PLEKHM1: variants seen among roughly 807,000 people sequenced by gnomAD.
PLEKHM1 encodes the protein pleckstrin homology domain-containing family M member 1.
Under a neutral mutation model 94.3 loss-of-function variants are expected in PLEKHM1, and 28 were observed. That is an observed-to-expected ratio of 0.30 (90% CI 0.22 to 0.41). The LOEUF is 0.41. Among genes scored for constraint, PLEKHM1 ranks in the 10% least tolerant of loss-of-function variants. PLEKHM1 has a pLI of 1.00. For missense variants in PLEKHM1, 907 were observed against 1,358.6 expected (o/e 0.67, Z 5.22); for synonymous variants, 424 against 581.2 (o/e 0.73, Z 3.89).
chr17:45,445,616 G>C lies in PLEKHM1; in HGVS notation c.2691C>G (p.Pro897=), dbSNP rs145248414. The change falls in exon 9 of 12, where the codon CCC becomes CCG. Residue 897 remains proline, a synonymous_variant. Coordinates refer to ENST00000430334, the MANE Select transcript of PLEKHM1 (RefSeq NM_014798.3). The surrounding 1 kb of genome is among the most constrained non-coding windows in gnomAD (Gnocchi z 4.2). The part of the protein sequence containing the change: ...LKFLTQIRAQ[P]LINLQMVNAS... Reference sequence around the variant, plus strand: ...CGTTCACCATCTGCAGGTTGATGAGGGGCTGGGCCCGGATCTGTGTCAGAA... The same window carrying C: ...CGTTCACCATCTGCAGGTTGATGAGCGGCTGGGCCCGGATCTGTGTCAGAA... 86 of 1,613,618 alleles carry C rather than the reference G, an allele frequency of 5.3e-5. No homozygotes were observed. In the African/African-American group the frequency reaches 1.1e-3, roughly 21 times the overall value.
At chr17:45,489,613 A>T (rs2052242281) in intron 1 of PLEKHM1, among the ~76,000 whole-genome samples, 1 of 150,112 alleles carries the variant, frequency 6.7e-6, no homozygotes, top group African/African-American at 2.5e-5. Flanking sequence ...GCCAGGAAAA[A>T]CCCCGGCCCC....
intron 1 of PLEKHM1, 99 bp downstream of exon 1, chr17:45,490,553 G>T (rs1475392619): frequency 2.5e-6 from 1 of 397,672 alleles, no homozygotes. Context: ...GTAACCAGGG[G>T]CTGGGAATCG....
intron 11 of PLEKHM1, among the ~76,000 whole-genome samples, chr17:45,438,887 A>G (rs1423082828): frequency 1.3e-5 from 2 of 152,246 alleles, no homozygotes. Context: ...ACTCAGCCCC[A>G]GGCCCATTCA....
At chr17:45,448,768 G>A (rs1019941454) in intron 8 of PLEKHM1, among the ~76,000 whole-genome samples, 10 of 152,002 alleles carry the variant, frequency 6.6e-5, no homozygotes, top group Admixed American at 6.6e-5. Flanking sequence ...TGGTAACACA[G>A]GTAGGAAAGT....
rs779850046 is a variant in PLEKHM1 at position 45,482,453 on chromosome 17, G to A, written c.32C>T (p.Pro11Leu). The A allele has an allele frequency of 2.4e-6, 3 of 1,227,720 alleles. No homozygotes were observed. Among genetic ancestry groups the A allele is most frequent in the African/African-American group, 1.7e-5 (1 of 59,512 alleles). The allele number at this position is 1,227,720 out of a possible 1,614,324, so 76.1% of individuals were successfully genotyped here. A position where few individuals can be genotyped will look rare whatever the true frequency, so the allele number is the denominator to read the frequency against. The change falls in exon 2 of 12, where the codon CCC (proline) becomes CTC (leucine). Residue 11 changes from proline (P) to leucine (L), a missense_variant. By Grantham distance (98) the Pro-to-Leu change is moderately conservative. This residue lies in a region of PLEKHM1 where 176 missense variants were observed against 306.0 expected (regional missense o/e 0.58). Transcript: ENST00000430334. Reference sequence around the variant, plus strand: ...CCCACCTACCGGGATGGCAGCCTGGGGGTCCAGTCCATTCTCCACCACTGA... The same window carrying A: ...CCCACCTACCGGGATGGCAGCCTGGAGGTCCAGTCCATTCTCCACCACTGA... MLSVVENGLD[P>L]QAAIPVIKKK...
intron 4 of PLEKHM1, among the ~76,000 whole-genome samples, chr17:45,473,446 A>C (rs1192701248): frequency 6.6e-6 from 1 of 152,214 alleles, no homozygotes; most frequent in African/African-American, 2.4e-5. Context: ...AAAATAAAAG[A>C]ATGAAGAAGC....
chr17:45,444,327 C>T lies in PLEKHM1; in HGVS notation c.2837+1143G>A, dbSNP rs368068322. 5.9e-5 allele frequency among the ~76,000 whole-genome samples: 9 copies of T among 152,316 alleles called. No homozygotes were observed. Among genetic ancestry groups the T allele is most frequent in the African/African-American group, 2.2e-4 (9 of 41,568 alleles). On this transcript the variant is annotated intron_variant, in intron 9 of 11. Coordinates refer to ENST00000430334, the MANE Select transcript of PLEKHM1 (RefSeq NM_014798.3). This position sits in a 1 kb window ranked among gnomAD's most constrained non-coding sequence, Gnocchi z 5.0. Reference sequence around the variant, plus strand: ...TCCTGAGGGTGCTGGGAGAGTACAGCCCTGGGAAGACTGCAGCCTGGGCGT... The same window carrying T: ...TCCTGAGGGTGCTGGGAGAGTACAGTCCTGGGAAGACTGCAGCCTGGGCGT...
chr17:45,478,558 C>T (rs908300840), intron 2 of PLEKHM1, among the ~76,000 whole-genome samples: 3 of 152,124 alleles, frequency 2.0e-5, no homozygotes, highest in African/African-American at 7.2e-5. Context: ...TTTACATGGA[C>T]AAGCTTCTGT....
At chr17:45,487,651 C>T (rs1365816706) in intron 1 of PLEKHM1, 2 of 454,736 alleles carry the variant, frequency 4.4e-6, no homozygotes, top group Middle Eastern at 3.2e-4. Context: ...TACTGCCTGG[C>T]CTTCTCTATA....
Position 45,439,646 on chromosome 17 carries a change from A to G in PLEKHM1, c.2902-12T>C. On this transcript the variant is annotated splice_polypyrimidine_tract_variant and intron_variant, in intron 10 of 11. Transcript: ENST00000430334. ...ACCCCGTCTGCGATCTGCGGAGGGC[A>G]AGTAGGAATCCTTCATACACCCCGT... is the stretch of plus-strand genomic sequence containing the variant. The G allele has an allele frequency of 6.2e-7, 1 of 1,613,550 alleles. No homozygotes were observed. The highest frequency in any genetic ancestry group is 8.5e-7 in the Non-Finnish European group (1 of 1,179,788).
chr17:45,454,430 G>T, intron 6 of PLEKHM1, 158 bp from the exon 7 acceptor site: 1 of 698,164 alleles, frequency 1.4e-6, no homozygotes, highest in Admixed American at 2.0e-5. Flanking sequence ...GACCCTGAAA[G>T]CTGGATGGGA....
At chr17:45,487,069 G>A (rs1364140979) in intron 1 of PLEKHM1, among the ~76,000 whole-genome samples, 1 of 152,184 alleles carries the variant, frequency 6.6e-6, no homozygotes, top group African/African-American at 2.4e-5. Flanking sequence ...GTGAGGCAAA[G>A]CTGGGCAACA....
At chr17:45,470,742 T>C (rs2051481681) in intron 4 of PLEKHM1, among the ~76,000 whole-genome samples, 1 of 150,648 alleles carries the variant, frequency 6.6e-6, no homozygotes, top group African/African-American at 2.4e-5. Flanking sequence ...CACTGCAAGC[T>C]CCGCCTCCCG....
chr17:45,460,711 G>A (rs2051126438), intron 5 of PLEKHM1, among the ~76,000 whole-genome samples: 1 of 151,896 alleles, frequency 6.6e-6, no homozygotes, highest in African/African-American at 2.4e-5. Context: ...GCATGCACCA[G>A]CATGCCCAGC....
At chr17:45,487,623 G>A (rs562616618) in intron 1 of PLEKHM1, 20 of 442,316 alleles carry the variant, frequency 4.5e-5, no homozygotes, top group African/African-American at 1.8e-4. Flanking sequence ...GAACAGTTCC[G>A]GTTGGTTTCC....
downstream of PLEKHM1, among the ~76,000 whole-genome samples, chr17:45,435,721 T>C (rs1432165472): frequency 6.6e-6 from 1 of 152,166 alleles, no homozygotes; most frequent in African/African-American, 2.4e-5. Context: ...TCTTACTCTC[T>C]TCTCCCTGCC....
chr17:45,474,062 A>T (rs8079494), intron 4 of PLEKHM1, among the ~76,000 whole-genome samples: 6,166 of 142,710 alleles, frequency 0.043, 336 homozygotes, highest in African/African-American at 0.13. Context: ...TTATTTATTT[A>T]TTTTTTTTTT....
At chr17:45,466,981 C>T (rs1228024927) in intron 5 of PLEKHM1, among the ~76,000 whole-genome samples, 3 of 152,136 alleles carry the variant, frequency 2.0e-5, no homozygotes, top group East Asian at 3.8e-4. Flanking sequence ...TGGAAACAAC[C>T]CAAATGTCCA....
At chr17:45,490,362 T>C (rs1567814208) in intron 1 of PLEKHM1, among the ~76,000 whole-genome samples, 1 of 149,362 alleles carries the variant, frequency 6.7e-6, no homozygotes, top group Non-Finnish European at 1.5e-5. Flanking sequence ...TGGGGTAAAG[T>C]GGGGTCACGA....
Sources: gnomAD v4.1 joint callset for allele counts (sites outside exome capture counted in the v4.1 genomes callset) on GRCh38, gnomAD v4.1.1 for gene constraint, gnomAD v4.1.1 regional missense constraint, Gnocchi (gnomAD v3.1) non-coding constraint, MANE v1.5 for transcripts, NCBI Gene and HGNC (gene_info 2026-07-23, HGNC 2026-07-21) for gene names.